Variants in CREB1 observed in about 807,000 individuals in gnomAD.
The protein encoded by CREB1 is cAMP responsive element binding protein 1.
CREB1 carries 2 observed loss-of-function variants against 42.0 expected under a neutral mutation model. That is an observed-to-expected ratio of 0.05 (90% CI 0.02 to 0.15). CREB1 has a LOEUF of 0.15. Among genes scored for constraint, CREB1 ranks in the 10% least tolerant of loss-of-function variants. The pLI, the probability that CREB1 is intolerant of heterozygous loss-of-function variation, is 1.00. For missense variants in CREB1, 199 were observed against 388.9 expected, an observed-to-expected ratio of 0.51 and a Z score of 4.11; for synonymous variants, 123 against 139.9, an observed-to-expected ratio of 0.88 and a Z score of 0.85.
intron 5 of CREB1, among the ~76,000 whole-genome samples, chr2:207,572,115 A>G (rs143432836): frequency 0.023 from 3,423 of 151,662 alleles, 63 homozygotes; most frequent in Non-Finnish European, 0.031. Context: ...AATCCCAGCT[A>G]CTCGGGAGGC....
intron 1 of CREB1, among the ~76,000 whole-genome samples, chr2:207,530,918 G>T (rs2080590730): frequency 6.6e-6 from 1 of 151,094 alleles, no homozygotes; most frequent in African/African-American, 2.4e-5. Context: ...GCTTAGTTGA[G>T]AGATGAGAGC....
intron 1 of CREB1, among the ~76,000 whole-genome samples, chr2:207,552,968 T>C (rs945913584): frequency 6.6e-6 from 1 of 152,090 alleles, no homozygotes; most frequent in African/African-American, 2.4e-5. Context: ...AGTGTATTCA[T>C]TTGTTTATTT....
rs187874522 is a variant in CREB1, at chr2:207,538,747, G to A, written c.-9+8613G>A. Among the ~76,000 whole-genome samples the A allele has an allele frequency of 3.5e-3, 538 of 152,302 alleles. 2 individuals carry two copies. Among genetic ancestry groups the A allele is most frequent in the Admixed American group, 4.8e-3 (73 of 15,302 alleles). ...AAGTTGACTTATACCAATGATGATAGAATGTGTCTTTTCCCAAAGGTTAGT... is the reference window on the plus strand; with the variant it reads ...AAGTTGACTTATACCAATGATGATAAAATGTGTCTTTTCCCAAAGGTTAGT... On this transcript the variant is annotated intron_variant, in intron 1 of 7. Transcript: ENST00000353267.
In CREB1 at chr2:207,555,656, C is replaced by T. The variant is rs1323012635; in HGVS notation, c.21C>T (p.Ala7=). 3 of 1,612,298 alleles carry T rather than the reference C, an allele frequency of 1.9e-6. No individual in the cohort carries two copies. Among genetic ancestry groups the T allele is most frequent in the African/African-American group, 1.3e-5 (1 of 74,910 alleles). ...ACTAAATGACCATGGAATCTGGAGC[C>T]GAGAACCAGCAGAGTGGAGATGCAG... MTMESG[A]ENQQSGDAAV... Residue 7 remains alanine (A), a synonymous_variant, in exon 2 of 8, where the codon GCC becomes GCT. Coordinates refer to ENST00000353267, the MANE Select transcript of CREB1 (RefSeq NM_004379.5).
chr2:207,581,739 G>A, intron 7 of CREB1: 1 of 637,204 alleles, frequency 1.6e-6, no homozygotes, highest in Non-Finnish European at 2.8e-6. Context: ...AAAGTACATT[G>A]GTATAATACC....
chr2:207,602,401 C>A lies in CREB1; in HGVS notation c.*5343C>A. ...CATGATACATTTTTAATTATTCTCA[C>A]CAGCAAGTAAAAGGAAAATGAACAA... is the stretch of plus-strand genomic sequence containing the variant. On this transcript the variant is annotated 3_prime_UTR_variant, in exon 8 of 8. Transcript: ENST00000353267. The A allele has an allele frequency of 5.0e-6, 1 of 201,986 alleles. No individual in the cohort carries two copies. The highest frequency in any genetic ancestry group is 1.0e-5 in the Non-Finnish European group (1 of 98,240). 12.5% of individuals were successfully genotyped at this position (201,986 alleles called of 1,614,324 possible).
intron 2 of CREB1, among the ~76,000 whole-genome samples, chr2:207,557,768 G>A (rs1157603929): frequency 6.6e-6 from 1 of 151,860 alleles, no homozygotes; most frequent in African/African-American, 2.4e-5. Context: ...GAATATAAAG[G>A]GTTTTTATTT....
chr2:207,570,406 CCAATA>C (rs1372523678), intron 5 of CREB1, 85 bp downstream of exon 5: 1 of 1,300,872 alleles, frequency 7.7e-7, no homozygotes, highest in Non-Finnish European at 1.1e-6. Flanking sequence ...TTCAGAGAAA[CCAATA>C]CAAGTGCCAA....
chr2:207,598,969 A>C lies in CREB1; in HGVS notation c.*1911A>C, dbSNP rs1326309169. On this transcript the variant is annotated 3_prime_UTR_variant, in exon 8 of 8. Coordinates refer to ENST00000353267, the MANE Select transcript of CREB1 (RefSeq NM_004379.5). ...AAGAAAGTCAAGCTTGTTTAACAAC[A>C]AAATATGAAGATTTAAGTGTTAATT... The C allele has an allele frequency of 5.4e-6, 1 of 185,628 alleles. No homozygotes were observed. The highest frequency in any genetic ancestry group is 1.1e-5 in the Non-Finnish European group (1 of 87,918). 11.5% of individuals were successfully genotyped at this position (185,628 alleles called of 1,614,324 possible).
At chr2:207,577,164 G>A (rs2082628445) in intron 6 of CREB1, 15 of 1,040,214 alleles carry the variant, frequency 1.4e-5, no homozygotes, top group Non-Finnish European at 1.6e-5. Flanking sequence ...AAGACACTGA[G>A]GACTATACTC....
At chr2:207,571,784 A>G (rs1308794120) in intron 5 of CREB1, 2 of 452,498 alleles carry the variant, frequency 4.4e-6, no homozygotes, top group South Asian at 1.6e-5. Flanking sequence ...TCACTGTTAC[A>G]GAGATTCTCA....
At position 207,601,540 on chromosome 2, in the gene CREB1, A is replaced by G. The variant is rs1170133627; in HGVS notation, c.*4482A>G. On this transcript the variant is annotated 3_prime_UTR_variant, in exon 8 of 8. Transcript: ENST00000353267. ...ATGAAGATTGAAGGGAAAATAACTCAAGTGCATAATATTTATTTTCAATTT... is the reference window on the plus strand; with the variant it reads ...ATGAAGATTGAAGGGAAAATAACTCGAGTGCATAATATTTATTTTCAATTT... The G allele has an allele frequency of 5.0e-6, 1 of 198,366 alleles. No homozygotes were observed. Among genetic ancestry groups the G allele is most frequent in the Non-Finnish European group, 1.0e-5 (1 of 96,038 alleles). 12.3% of individuals were successfully genotyped at this position (198,366 alleles called of 1,614,324 possible).
At chr2:207,532,734 A>AT (rs1470539148) in intron 1 of CREB1, among the ~76,000 whole-genome samples, 3 of 151,238 alleles carry the variant, frequency 2.0e-5, no homozygotes, top group African/African-American at 7.3e-5. Flanking sequence ...TTTAAATTGT[A>AT]TTTTTTATTT....
chr2:207,567,333 C>T (rs2082177418), intron 3 of CREB1, 130 bp from the exon 4 acceptor site: 8 of 558,282 alleles, frequency 1.4e-5, no homozygotes, highest in Non-Finnish European at 2.5e-5. Flanking sequence ...GTGTGGTTGT[C>T]TCCCATAAGA....
chr2:207,589,582 G>C (rs2084566717), intron 7 of CREB1, among the ~76,000 whole-genome samples: 1 of 152,164 alleles, frequency 6.6e-6, no homozygotes, highest in Non-Finnish European at 1.5e-5. Context: ...TAATGTAATA[G>C]CTGTAGGGTC....
At chr2:207,535,441 A>G (rs996692368) in intron 1 of CREB1, among the ~76,000 whole-genome samples, 1 of 152,158 alleles carries the variant, frequency 6.6e-6, no homozygotes, top group Non-Finnish European at 1.5e-5. Context: ...TTTTTTTAAC[A>G]GACAGCTCAT....
At chr2:207,588,022 A>G (rs886642837) in intron 7 of CREB1, among the ~76,000 whole-genome samples, 3 of 152,246 alleles carry the variant, frequency 2.0e-5, no homozygotes. Context: ...ATCATTACAT[A>G]CTGTATACAC....
At chr2:207,549,527 G>C (rs2081419724) in intron 1 of CREB1, among the ~76,000 whole-genome samples, 2 of 152,170 alleles carry the variant, frequency 1.3e-5, no homozygotes, top group South Asian at 4.1e-4. Context: ...TGTAGCACCT[G>C]AACATTATAA....
chr2:207,588,179 A>AT (rs1289659386), intron 7 of CREB1, among the ~76,000 whole-genome samples: 1 of 152,192 alleles, frequency 6.6e-6, no homozygotes, highest in African/African-American at 2.4e-5. Context: ...TTAGAGTTTT[A>AT]TATTTAGATC....
Sources: gnomAD v4.1 joint callset for allele counts (sites outside exome capture counted in the v4.1 genomes callset) on GRCh38, gnomAD v4.1.1 for gene constraint, MANE v1.5 for transcripts, NCBI Gene and HGNC (gene_info 2026-07-23, HGNC 2026-07-21) for gene names.